Variants in PCDHGA3 observed in about 807,000 individuals in gnomAD.
PCDHGA3 encodes protocadherin gamma-A3.
A neutral mutation model predicts 58.5 loss-of-function variants in PCDHGA3; 40 were observed. The observed-to-expected ratio is 0.68, with a 90% CI of 0.53 to 0.89. The LOEUF (loss-of-function observed/expected upper bound fraction) is 0.89, where lower values mean the gene tolerates loss of function less well. PCDHGA3 is among the 40% of genes least tolerant of loss of function. The pLI, the probability that PCDHGA3 is intolerant of heterozygous loss-of-function variation, is 0.00. For missense variants in PCDHGA3, 1,223 were observed against 1,195.9 expected (o/e 1.02, Z -0.33); for synonymous variants, 530 against 525.7 (o/e 1.01, Z -0.11).
intron 1 of PCDHGA3, chr5:141,421,731 C>G (rs73792198): frequency 6.2e-7 from 1 of 1,613,742 alleles, no homozygotes; most frequent in Non-Finnish European, 8.5e-7. Flanking sequence ...TGAACTCCCT[C>G]CAGAGCTACC....
chr5:141,472,281 C>A (rs944776124), intron 1 of PCDHGA3, among the ~76,000 whole-genome samples: 2 of 152,202 alleles, frequency 1.3e-5, no homozygotes, highest in Non-Finnish European at 2.9e-5. Context: ...GTGGCTCACA[C>A]CTGTAATCCC....
rs774992336 is a variant in PCDHGA3, at chr5:141,409,845, T to G, written c.2424+63388T>G. The G allele has an allele frequency of 7.4e-6, 12 of 1,611,748 alleles. No homozygotes were observed. In the African/African-American group the frequency reaches 1.6e-4, roughly 22 times the overall value. On this transcript the variant is annotated intron_variant, in intron 1 of 3. Coordinates refer to ENST00000253812, the MANE Select transcript of PCDHGA3 (RefSeq NM_018916.4). ...CCCACGCTCAGCGCCAACGTGAGCCTGCGCGTGTTGGTGGGAGACCGCAAT... is the reference window on the plus strand; with the variant it reads ...CCCACGCTCAGCGCCAACGTGAGCCGGCGCGTGTTGGTGGGAGACCGCAAT...
intron 1 of PCDHGA3, chr5:141,478,814 C>T (rs1271237848): frequency 6.9e-7 from 1 of 1,451,050 alleles, no homozygotes; most frequent in East Asian, 2.5e-5. Context: ...GCTATCACAA[C>T]TAACCAATCT....
At chr5:141,418,868 G>A in intron 1 of PCDHGA3, 2 of 1,613,998 alleles carry the variant, frequency 1.2e-6, no homozygotes, top group Non-Finnish European at 1.7e-6. Flanking sequence ...AATTGTAGAA[G>A]TTGTAGACGA....
At chr5:141,390,565 G>A in intron 1 of PCDHGA3, 2 of 420,818 alleles carry the variant, frequency 4.8e-6, no homozygotes, top group Non-Finnish European at 8.5e-6. Context: ...ACAGTTGTTG[G>A]CTCTCTCCTA....
Position 141,490,731 on chromosome 5 carries a change from G to A in PCDHGA3, c.2425-4076G>A, listed in dbSNP as rs139283997. The A allele has an allele frequency of 6.8e-6, 11 of 1,614,080 alleles. No homozygotes were observed. In the African/African-American group the frequency reaches 1.1e-4, roughly 16 times the overall value. Reference sequence around the variant, plus strand: ...TCACCTACTCCATTGTAGGAAATCAGGTTCAGGGAGCCCCAGCCTCCTCCT... The same window carrying A: ...TCACCTACTCCATTGTAGGAAATCAAGTTCAGGGAGCCCCAGCCTCCTCCT... On this transcript the variant is annotated intron_variant, in intron 1 of 3. Transcript: ENST00000253812. The surrounding 1 kb of genome is among the most constrained non-coding windows in gnomAD (Gnocchi z 5.4).
At position 141,489,302 on chromosome 5, in the gene PCDHGA3, T is replaced by C. The variant is rs1258736404; in HGVS notation, c.2425-5505T>C. 2 of 1,586,886 alleles carry C rather than the reference T, an allele frequency of 1.3e-6. No homozygotes were observed. The highest frequency in any genetic ancestry group is 2.3e-5 in the South Asian group (2 of 85,378). ...TGGCAAGTGCTGTGCATGTTGTCCT[T>C]GTGCTGCTGGGGCTGGGTGTCTGGG... On this transcript the variant is annotated intron_variant, in intron 1 of 3. Transcript: ENST00000253812. The surrounding 1 kb of genome is among the most constrained non-coding windows in gnomAD (Gnocchi z 4.5).
chr5:141,370,583 T>C lies in PCDHGA3; in HGVS notation c.2424+24126T>C, dbSNP rs376045764. 30 of 1,613,706 alleles carry C rather than the reference T, an allele frequency of 1.9e-5. No individual in the cohort carries two copies. In the African/African-American group the frequency reaches 3.6e-4, roughly 19 times the overall value. Reference sequence around the variant, plus strand: ...GGTTTGGCGTGGGGGATTTACCTACTAGGAACCTGCGGGTTATTGCAGAGA... The same window carrying C: ...GGTTTGGCGTGGGGGATTTACCTACCAGGAACCTGCGGGTTATTGCAGAGA... On this transcript the variant is annotated intron_variant, in intron 1 of 3. Coordinates refer to ENST00000253812, the MANE Select transcript of PCDHGA3 (RefSeq NM_018916.4).
In PCDHGA3 at chr5:141,486,005, A is replaced by G. The variant is rs1057476811; in HGVS notation, c.2425-8802A>G. On this transcript the variant is annotated intron_variant, in intron 1 of 3. Transcript: ENST00000253812. This position sits in a 1 kb window ranked among gnomAD's most constrained non-coding sequence, Gnocchi z 5.0. Reference sequence around the variant, plus strand: ...GGACCTGGGTCCCAGTGGTAACGTCACCTTTTATTTCAGTGGTCATACCCC... The same window carrying G: ...GGACCTGGGTCCCAGTGGTAACGTCGCCTTTTATTTCAGTGGTCATACCCC... 1.9e-6 allele frequency: 3 copies of G among 1,613,936 alleles called. No homozygotes were observed. The Admixed American group carries it at 5.0e-5, about 27-fold the overall frequency.
At chr5:141,417,994 G>T (rs369226139) in intron 1 of PCDHGA3, 231 of 1,613,766 alleles carry the variant, frequency 1.4e-4, no homozygotes, top group Non-Finnish European at 1.8e-4. Flanking sequence ...CCAAGGGCTC[G>T]GTGGTGGGGA....
chr5:141,418,767 C>T (rs770275597), intron 1 of PCDHGA3: 1 of 1,613,850 alleles, frequency 6.2e-7, no homozygotes, highest in Non-Finnish European at 8.5e-7. Flanking sequence ...AACATTCTAA[C>T]TCAGCAGCCT....
At chr5:141,385,292 AG>A (rs1458906535) in intron 1 of PCDHGA3, 1 of 1,613,082 alleles carries the variant, frequency 6.2e-7, no homozygotes, top group African/African-American at 1.3e-5. Flanking sequence ...GTAGATTTTC[AG>A]GAATGTAAAG....
chr5:141,503,598 CAAAAAAAAAA>C (rs765754054), intron 2 of PCDHGA3, among the ~76,000 whole-genome samples: 1 of 65,762 alleles, frequency 1.5e-5, no homozygotes. Context: ...GACTCCAGCT[CAAAAAAAAAA>C]AAAAAAGAAA....
rs558951022 is a variant in PCDHGA3 at position 141,501,554 on chromosome 5, C to T, written c.2484-3839C>T. On this transcript the variant is annotated intron_variant, in intron 2 of 3. Coordinates refer to ENST00000253812, the MANE Select transcript of PCDHGA3 (RefSeq NM_018916.4). ...CGTTGTTGTGCATAAGATCATAGGC[C>T]CTGGAATCATATTAGGCTGGCTTTC... is the stretch of plus-strand genomic sequence containing the variant. Among the ~76,000 whole-genome samples the T allele has an allele frequency of 3.3e-5, 5 of 152,044 alleles. No homozygotes were observed. In the East Asian group the frequency reaches 7.8e-4, roughly 24 times the overall value.
chr5:141,371,147 T>G (rs1383396635), intron 1 of PCDHGA3: 1 of 1,614,026 alleles, frequency 6.2e-7, no homozygotes, highest in South Asian at 1.1e-5. Context: ...GGGTCAATGT[T>G]GCAGAGAACC....
intron 1 of PCDHGA3, among the ~76,000 whole-genome samples, chr5:141,347,719 AG>A (rs1312909690): frequency 2.6e-5 from 4 of 151,964 alleles, no homozygotes; most frequent in African/African-American, 9.7e-5. Flanking sequence ...CCCAGGAGGC[AG>A]AAGTTGCAGA....
chr5:141,424,084 A>G, intron 1 of PCDHGA3: 1 of 929,764 alleles, frequency 1.1e-6, no homozygotes, highest in Non-Finnish European at 1.3e-6. Context: ...ATATTCCACC[A>G]TTATTTGCTA....
chr5:141,479,188 A>G (rs2099489531), intron 1 of PCDHGA3: 1 of 152,606 alleles, frequency 6.6e-6, no homozygotes. Context: ...TAGAAAATTC[A>G]GAAAATACAG....
rs1186240180 is a variant in PCDHGA3, at chr5:141,432,270, A to T, written c.2425-62537A>T. On this transcript the variant is annotated intron_variant, in intron 1 of 3. Transcript: ENST00000253812. The surrounding 1 kb of genome is among the most constrained non-coding windows in gnomAD (Gnocchi z 6.0). ...ATCCAAGGGGCAAGCCTATCGTCCT[A>T]CGTGTCCATCAACTCCGACACTGGG... 1 of 1,614,024 alleles carries T rather than the reference A, an allele frequency of 6.2e-7. No homozygotes were observed. The highest frequency in any genetic ancestry group is 8.5e-7 in the Non-Finnish European group (1 of 1,180,028).
Sources: allele counts gnomAD v4.1 joint callset (sites outside exome capture counted in the v4.1 genomes callset), GRCh38; gene constraint gnomAD v4.1.1; non-coding constraint Gnocchi (gnomAD v3.1); transcripts MANE v1.5; gene names NCBI Gene and HGNC (gene_info 2026-07-23, HGNC 2026-07-21).